Variants in PPP6R2 observed in about 807,000 individuals in gnomAD.
PPP6R2 encodes serine/threonine-protein phosphatase 6 regulatory subunit 2.
Under a neutral mutation model 100.2 loss-of-function variants are expected in PPP6R2, and 62 were observed. That is an observed-to-expected ratio of 0.62 (90% CI 0.50 to 0.76). PPP6R2 has a LOEUF of 0.76. Ranked by LOEUF, PPP6R2 falls within the 30% of genes least tolerant of loss-of-function variation. PPP6R2 has a pLI of 0.00. For synonymous variants in PPP6R2, 525 were observed against 514.7 expected, an observed-to-expected ratio of 1.02 and a Z score of -0.27; for missense variants, 1,142 against 1,276.3, an observed-to-expected ratio of 0.89 and a Z score of 1.60.
chr22:50,439,628 G>T, intron 19 of PPP6R2, 73 bp from the exon 20 acceptor site: 1 of 1,443,226 alleles, frequency 6.9e-7, no homozygotes. Flanking sequence ...CCCGGGGCAG[G>T]GGCGCTGCCT....
At position 50,383,340 on chromosome 22, in the gene PPP6R2, G is replaced by A. The variant is rs77882476; in HGVS notation, c.-16-10553G>A. Among the ~76,000 whole-genome samples the A allele has an allele frequency of 3.3e-4, 50 of 152,216 alleles. No individual in the cohort carries two copies. The East Asian group carries it at 8.1e-3, about 25-fold the overall frequency. On this transcript the variant is annotated intron_variant, in intron 2 of 23. Transcript: ENST00000612753. ...CTCATTAAGAAAGTGTTTTCATTTC[G>A]AGTCCTTTTGGAAGTCTTATTCTGC... is the stretch of plus-strand genomic sequence containing the variant.
chr22:50,414,397 C>T (rs2060230725), intron 4 of PPP6R2, among the ~76,000 whole-genome samples, 155 bp from the exon 5 acceptor site: 1 of 141,870 alleles, frequency 7.0e-6, no homozygotes, highest in Admixed American at 7.5e-5. Flanking sequence ...TCTGCCTGTC[C>T]CTTGAGGGGG....
chr22:50,409,732 G>A (rs148531683), intron 4 of PPP6R2, among the ~76,000 whole-genome samples: 2,082 of 151,984 alleles, frequency 0.014, 40 homozygotes, highest in African/African-American at 0.046. Context: ...GGCCGACGAT[G>A]ATGATGATTT....
chr22:50,352,682 G>A (rs1312868951), intron 1 of PPP6R2, among the ~76,000 whole-genome samples: 3 of 151,430 alleles, frequency 2.0e-5, no homozygotes, highest in Non-Finnish European at 4.4e-5. Flanking sequence ...CCAAGATCAC[G>A]CCACTGCACT....
intron 4 of PPP6R2, among the ~76,000 whole-genome samples, chr22:50,408,106 C>T (rs12163142): frequency 1.3e-5 from 2 of 152,136 alleles, no homozygotes; most frequent in Admixed American, 6.6e-5. Context: ...AGGCTGGTTT[C>T]GAACTCTTGG....
intron 8 of PPP6R2, among the ~76,000 whole-genome samples, chr22:50,419,721 C>T (rs185194448): frequency 5.9e-5 from 9 of 152,336 alleles, no homozygotes; most frequent in Non-Finnish European, 1.0e-4. Context: ...TGTCGATGTG[C>T]GTGGAACAGG....
intron 2 of PPP6R2, 67 bp from the exon 3 acceptor site, chr22:50,393,826 G>A (rs530302051): frequency 1.9e-6 from 3 of 1,591,702 alleles, no homozygotes; most frequent in Middle Eastern, 1.7e-4. Context: ...CTTTGGACTT[G>A]GGTCTAGTGT....
intron 2 of PPP6R2, among the ~76,000 whole-genome samples, chr22:50,382,758 G>A (rs1398543108): frequency 6.6e-6 from 1 of 151,808 alleles, no homozygotes; most frequent in Non-Finnish European, 1.5e-5. Flanking sequence ...CCAACTGATC[G>A]AGAAATTGAG....
intron 12 of PPP6R2, among the ~76,000 whole-genome samples, chr22:50,433,636 T>C (rs1483729091): frequency 1.7e-4 from 6 of 34,858 alleles, no homozygotes; most frequent in Admixed American, 8.4e-4. Flanking sequence ...GGGCATTTGC[T>C]CTGGAGGTGA....
Position 50,439,862 on chromosome 22 carries a change from C to G in PPP6R2, c.2285+5C>G. On this transcript the variant is annotated splice_donor_5th_base_variant and intron_variant, in intron 20 of 23. Transcript: ENST00000612753. ...TGACTTCCAACCTTTCTGCTGGTAA[C>G]AAATGCGCTGGCAGGAGGGGGCTGT... 1 of 1,611,620 alleles carries G rather than the reference C, an allele frequency of 6.2e-7. No homozygotes were observed. The highest frequency in any genetic ancestry group is 8.5e-7 in the Non-Finnish European group (1 of 1,178,422).
In PPP6R2 at chr22:50,439,685, GTC is replaced by G. The variant is rs1212344767; in HGVS notation, c.2129-11_2129-10del. ...AGGCCTGCCCACGCCTGACCACTGT[GTC>G]TCTCCCCCAGCAGGCGCCATGTGGA... On this transcript the variant is annotated splice_polypyrimidine_tract_variant and intron_variant, in intron 19 of 23. Transcript: ENST00000612753. The G allele has an allele frequency of 9.6e-6, 15 of 1,561,424 alleles. No homozygotes were observed. Among genetic ancestry groups the G allele is most frequent in the Admixed American group, 1.9e-5 (1 of 53,306 alleles).
At chr22:50,357,497 C>G (rs1228486528) in intron 1 of PPP6R2, among the ~76,000 whole-genome samples, 6 of 151,276 alleles carry the variant, frequency 4.0e-5, no homozygotes, top group Non-Finnish European at 5.9e-5. Context: ...CTGTCTCTCT[C>G]TCTCTCTTTC....
chr22:50,356,966 C>G (rs374812058), intron 1 of PPP6R2, among the ~76,000 whole-genome samples: 1 of 151,898 alleles, frequency 6.6e-6, no homozygotes, highest in Non-Finnish European at 1.5e-5. Context: ...AACAAAACTT[C>G]CAGTTTTCCA....
chr22:50,367,000 T>C (rs2048901345), intron 1 of PPP6R2, among the ~76,000 whole-genome samples: 1 of 151,550 alleles, frequency 6.6e-6, no homozygotes, highest in Non-Finnish European at 1.5e-5. Flanking sequence ...TTTTTTTTAG[T>C]TGTTGCAGAT....
At chr22:50,396,811 T>C (rs1293799967) in intron 3 of PPP6R2, among the ~76,000 whole-genome samples, 8 of 151,828 alleles carry the variant, frequency 5.3e-5, no homozygotes, top group Admixed American at 5.3e-4. Context: ...CAGTGCTGGG[T>C]TGGGGAGGAG....
chr22:50,338,019 G>T, the PPP6R2 span, among the ~76,000 whole-genome samples: 1 of 146,278 alleles, frequency 6.8e-6, no homozygotes, highest in Non-Finnish European at 1.5e-5. Flanking sequence ...TGTGTGTGGG[G>T]GGTATGTGTG....
chr22:50,439,825 G>A lies in PPP6R2; in HGVS notation c.2253G>A (p.Trp751Ter). The change falls in exon 20 of 24, where the codon TGG becomes TGA. Residue 751 changes from tryptophan (W) to a stop codon, truncating the protein, a stop_gained. Coordinates refer to ENST00000612753, the MANE Select transcript of PPP6R2 (RefSeq NM_001242898.2). LOFTEE classifies it high-confidence loss of function. The part of the protein sequence containing the change: ...AGTSAPEEKG[W>*]AKFTDFQPFC... ...CCTCAGCTCCAGAGGAGAAAGGCTG[G>A]GCCAAGTTCACTGACTTCCAACCTT... 6.2e-7 allele frequency: 1 copy of A among 1,613,746 alleles called. No homozygotes were observed. The highest frequency in any genetic ancestry group is 8.5e-7 in the Non-Finnish European group (1 of 1,179,884).
intron 10 of PPP6R2, among the ~76,000 whole-genome samples, chr22:50,425,513 A>T (rs555328239): frequency 5.9e-5 from 9 of 152,336 alleles, no homozygotes; most frequent in East Asian, 1.9e-4. Flanking sequence ...AGTAAGAAGA[A>T]GTTCTTCTGG....
At chr22:50,394,723 G>C (rs759419929) in intron 3 of PPP6R2, among the ~76,000 whole-genome samples, 1 of 151,370 alleles carries the variant, frequency 6.6e-6, no homozygotes, top group Non-Finnish European at 1.5e-5. Context: ...TGGCTAATAC[G>C]GTGAAACCCC....
Sources: gnomAD v4.1 joint callset for allele counts (sites outside exome capture counted in the v4.1 genomes callset) on GRCh38, gnomAD v4.1.1 for gene constraint, MANE v1.5 for transcripts, NCBI Gene and HGNC (gene_info 2026-07-23, HGNC 2026-07-21) for gene names.